The following THSD7B variants were observed in gnomAD, a reference collection of about 807,000 sequenced individuals.
THSD7B encodes thrombospondin type-1 domain-containing protein 7B.
Under a neutral mutation model 213.6 loss-of-function variants are expected in THSD7B, and 138 were observed. That is an observed-to-expected ratio of 0.65 (90% CI 0.56 to 0.74). THSD7B has a LOEUF of 0.74. Ranked by LOEUF, THSD7B falls within the 30% of genes least tolerant of loss-of-function variation. The pLI, the probability that THSD7B is intolerant of heterozygous loss-of-function variation, is 0.00. For synonymous variants in THSD7B, 742 were observed against 687.0 expected (o/e 1.08, Z -1.25); for missense variants, 1,931 against 1,991.5 (o/e 0.97, Z 0.58).
At chr2:137,405,194 C>T (rs897447505) in intron 12 of THSD7B, among the ~76,000 whole-genome samples, 1 of 34,548 alleles carries the variant, frequency 2.9e-5, no homozygotes, top group Non-Finnish European at 8.1e-5. Context: ...GCCATCTAAA[C>T]AAGCAAAAAA....
intron 19 of THSD7B, 78 bp downstream of exon 19, chr2:137,618,585 T>C: frequency 1.6e-6 from 2 of 1,274,022 alleles, no homozygotes; most frequent in Non-Finnish European, 2.2e-6. Context: ...TGATGTCCAA[T>C]ATAGATAACA....
intron 1 of THSD7B, among the ~76,000 whole-genome samples, chr2:136,788,975 A>C (rs555067812): frequency 6.6e-6 from 1 of 152,274 alleles, no homozygotes; most frequent in South Asian, 2.1e-4. Flanking sequence ...TCTATAATTC[A>C]TAATTGAAAT....
intron 1 of THSD7B, among the ~76,000 whole-genome samples, chr2:136,834,949 T>C (rs1682820759): frequency 6.6e-6 from 1 of 152,246 alleles, no homozygotes; most frequent in African/African-American, 2.4e-5. Flanking sequence ...ATTGTCTTTT[T>C]TTCCCTCATA....
chr2:136,885,110 C>T (rs1042989380), intron 2 of THSD7B, among the ~76,000 whole-genome samples: 2 of 152,090 alleles, frequency 1.3e-5, no homozygotes, highest in African/African-American at 4.8e-5. Flanking sequence ...AACTCAGGTC[C>T]AGTGTAATTT....
At chr2:136,915,687 G>T (rs753684259) in intron 2 of THSD7B, among the ~76,000 whole-genome samples, 7 of 152,226 alleles carry the variant, frequency 4.6e-5, no homozygotes, top group Non-Finnish European at 7.3e-5. Context: ...GAGAGGTAAA[G>T]TACCTGGCCC....
Position 137,667,868 on chromosome 2 carries a change from A to C in THSD7B, c.4739+7A>C. 1 of 1,566,446 alleles carries C rather than the reference A, an allele frequency of 6.4e-7. No homozygotes were observed. Among genetic ancestry groups the C allele is most frequent in the Non-Finnish European group, 8.7e-7 (1 of 1,153,204 alleles). ...TTACTTCCTACCTTGTTTGGTAAGTACTAATTAGTAAAAAGTTTATGTTCC... is the reference window on the plus strand; with the variant it reads ...TTACTTCCTACCTTGTTTGGTAAGTCCTAATTAGTAAAAAGTTTATGTTCC... On this transcript the variant is annotated splice_region_variant and intron_variant, in intron 27 of 27. Coordinates refer to ENST00000409968, the MANE Select transcript of THSD7B (RefSeq NM_001316349.2).
In THSD7B at chr2:137,526,726, T is replaced by C. The variant is rs554455390; in HGVS notation, c.3139-36495T>C. Among the ~76,000 whole-genome samples the C allele has an allele frequency of 2.8e-4, 42 of 152,256 alleles. 1 individual carries two copies. Among genetic ancestry groups the C allele is most frequent in the Middle Eastern group, 6.8e-3 (2 of 294 alleles). ...GGCATGAGCCACCACACCCAGCCAG[T>C]TTAATTAGTTTTTATTTATGTAATT... On this transcript the variant is annotated intron_variant, in intron 15 of 27. Coordinates refer to ENST00000409968, the MANE Select transcript of THSD7B (RefSeq NM_001316349.2).
chr2:136,971,639 T>TAC (rs6146927), intron 2 of THSD7B, among the ~76,000 whole-genome samples: 5,724 of 135,236 alleles, frequency 0.042, 153 homozygotes, highest in South Asian at 0.1. Context: ...CAACAACAAA[T>TAC]ACACACACAC....
At chr2:136,799,165 A>G (rs188968229) in intron 1 of THSD7B, among the ~76,000 whole-genome samples, 24 of 152,186 alleles carry the variant, frequency 1.6e-4, no homozygotes, top group Non-Finnish European at 2.9e-5. Flanking sequence ...AATAAGAAAA[A>G]TGATTTATTT....
At chr2:137,310,116 C>T (rs1385076763) in intron 12 of THSD7B, among the ~76,000 whole-genome samples, 1 of 151,952 alleles carries the variant, frequency 6.6e-6, no homozygotes, top group East Asian at 1.9e-4. Context: ...AGTTTACAGT[C>T]CCACCAACAG....
At position 136,972,474 on chromosome 2, in the gene THSD7B, G is replaced by A. The variant is rs115630772; in HGVS notation, c.140-83946G>A. ...TGTTTTAAACAATATGCATGTATGC[G>A]TGTATGTATTTGATAAAAATGTTAC... On this transcript the variant is annotated intron_variant, in intron 2 of 27. Transcript: ENST00000409968. Among the ~76,000 whole-genome samples, 161 of 152,108 alleles carry A rather than the reference G, an allele frequency of 1.1e-3. 1 individual carries two copies. The highest frequency in any genetic ancestry group is 5.0e-3 in the East Asian group (26 of 5,178).
chr2:137,319,179 CA>C (rs954908618), intron 12 of THSD7B, among the ~76,000 whole-genome samples: 87 of 145,722 alleles, frequency 6.0e-4, no homozygotes, highest in African/African-American at 1.9e-3. Flanking sequence ...TTTTTGAAGA[CA>C]AAAAAAAGGG....
chr2:136,911,818 A>G (rs1452057171), intron 2 of THSD7B, among the ~76,000 whole-genome samples: 1 of 152,212 alleles, frequency 6.6e-6, no homozygotes, highest in East Asian at 1.9e-4. Context: ...TCCTACGGAT[A>G]TATTTGAATT....
chr2:137,054,424 T>C (rs1472300742), intron 2 of THSD7B, among the ~76,000 whole-genome samples: 1 of 152,206 alleles, frequency 6.6e-6, no homozygotes, highest in Non-Finnish European at 1.5e-5. Context: ...GAGGAAGAAT[T>C]GAGATGATTA....
intron 12 of THSD7B, among the ~76,000 whole-genome samples, chr2:137,375,038 G>A (rs1685621568): frequency 6.6e-6 from 1 of 152,190 alleles, no homozygotes; most frequent in Non-Finnish European, 1.5e-5. Context: ...AAGCAAATGT[G>A]TAGCATAACA....
At chr2:136,890,546 T>C (rs1683828669) in intron 2 of THSD7B, among the ~76,000 whole-genome samples, 1 of 111,106 alleles carries the variant, frequency 9.0e-6, no homozygotes, top group Non-Finnish European at 1.7e-5. Context: ...TTCTTCTTTT[T>C]TTTTTTTTTT....
Position 137,536,676 on chromosome 2 carries a change from T to TA in THSD7B, c.3139-26535dup, listed in dbSNP as rs948364551. Among the ~76,000 whole-genome samples the TA allele has an allele frequency of 1.6e-4, 24 of 147,314 alleles. No individual in the cohort carries two copies. The East Asian group carries it at 2.0e-3, about 12-fold the overall frequency. On this transcript the variant is annotated intron_variant, in intron 15 of 27. Transcript: ENST00000409968. ...ACTAAGTAATTATAATAACAAGATT[T>TA]AAAAAAAAAAGACAAAGAAAAAATG...
chr2:136,953,019 A>T (rs943928370), intron 2 of THSD7B, among the ~76,000 whole-genome samples: 1 of 152,226 alleles, frequency 6.6e-6, no homozygotes, highest in Non-Finnish European at 1.5e-5. Context: ...TTTCTCAGGA[A>T]AAAAATGAAG....
intron 15 of THSD7B, among the ~76,000 whole-genome samples, chr2:137,455,598 C>A (rs1687747659): frequency 6.6e-6 from 1 of 152,146 alleles, no homozygotes; most frequent in South Asian, 2.1e-4. Flanking sequence ...TAAATGACAG[C>A]AATACTCGAG....
Sources: gnomAD v4.1 joint callset for allele counts (sites outside exome capture counted in the v4.1 genomes callset) on GRCh38, gnomAD v4.1.1 for gene constraint, MANE v1.5 for transcripts, NCBI Gene and HGNC (gene_info 2026-07-23, HGNC 2026-07-21) for gene names.